PELP1: variants seen among roughly 807,000 people sequenced by gnomAD.
PELP1 encodes the protein proline-, glutamic acid- and leucine-rich protein 1.
Under a neutral mutation model 95.5 loss-of-function variants are expected in PELP1, and 32 were observed. The observed-to-expected ratio is 0.34, with a 90% CI of 0.25 to 0.45. The LOEUF is 0.45. Ranked by LOEUF, PELP1 falls within the 20% of genes least tolerant of loss-of-function variation. PELP1 has a pLI of 1.00. For missense variants in PELP1, 1,358 were observed against 1,444.8 expected, an observed-to-expected ratio of 0.94 and a Z score of 0.97; for synonymous variants, 668 against 600.1, an observed-to-expected ratio of 1.11 and a Z score of -1.65.
In PELP1 at chr17:4,672,926, T is replaced by C. The variant is rs372080166; in HGVS notation, c.2065A>G (p.Met689Val). The change falls in exon 16 of 17, where the codon ATG becomes GTG. Residue 689 changes from methionine to valine, a missense_variant. By Grantham distance (21) the Met-to-Val change is conservative (BLOSUM62 1). Around this residue, in one of 7 missense-constraint regions of PELP1, gnomAD observed 340 missense variants for 322.9 expected, o/e 1.05. Transcript: ENST00000572293. ...SAGPMPSAGP[M>V]PSAGPVPSAR... ...GAGGGCACAGGGCCTGCTGAGGGCA[T>C]GGGGCCTGCTGAAGGCATGGGGCCT... The C allele has an allele frequency of 2.3e-5, 37 of 1,609,834 alleles. No homozygotes were observed. The highest frequency in any genetic ancestry group is 2.7e-5 in the Non-Finnish European group (32 of 1,177,670).
intron 5 of PELP1, among the ~76,000 whole-genome samples, chr17:4,680,388 C>T (rs1337716947): frequency 6.6e-6 from 1 of 152,320 alleles, no homozygotes. Flanking sequence ...AGCAATTCTC[C>T]TGCCTCGGCC....
chr17:4,689,246 T>C (rs1913009642), intron 3 of PELP1, among the ~76,000 whole-genome samples: 2 of 152,120 alleles, frequency 1.3e-5, no homozygotes, highest in Non-Finnish European at 2.9e-5. Flanking sequence ...TTCTAGAAGA[T>C]AACATCAGAA....
Position 4,673,981 on chromosome 17 carries a change from C to T in PELP1, c.1583-307G>A. The T allele has an allele frequency of 2.5e-6, 1 of 393,680 alleles. No individual in the cohort carries two copies. Among genetic ancestry groups the T allele is most frequent in the Middle Eastern group, 7.4e-4 (1 of 1,350 alleles). 24.4% of individuals were successfully genotyped at this position (393,680 alleles called of 1,614,324 possible). A position where few individuals can be genotyped will look rare whatever the true frequency, so the allele number is the denominator to read the frequency against. ...GGCAGGCAGTGAAATATATGGGACC[C>T]AGAGGAAAGGCATCCATTAACTGCA... On this transcript the variant is annotated intron_variant, in intron 13 of 16. Transcript: ENST00000572293. The surrounding 1 kb of genome is among the most constrained non-coding windows in gnomAD (Gnocchi z 5.7).
intron 1 of PELP1, among the ~76,000 whole-genome samples, chr17:4,699,897 ATTTT>A (rs34806511): frequency 5.8e-5 from 5 of 86,754 alleles, no homozygotes; most frequent in Admixed American, 5.2e-4. Flanking sequence ...CTAGAGGGTG[ATTTT>A]TTTTTTTTTT....
At chr17:4,679,364 A>G (rs377046941) in intron 5 of PELP1, among the ~76,000 whole-genome samples, 3 of 152,194 alleles carry the variant, frequency 2.0e-5, no homozygotes, top group South Asian at 4.1e-4. Flanking sequence ...CCTTAAGTTC[A>G]ACTGTCTGAC....
rs1172244686 is a variant in PELP1 at position 4,703,983 on chromosome 17, A to G, written c.129T>C (p.Gly43=). ...LRLLLLESVS[G]LLQPRTGSAV... is the part of the protein sequence containing the mutation. ...CAGACCCCGTTCGAGGTTGCAGCAA[A>G]CCAGAAACACTCTCCAGCAGCAGCA... is the stretch of plus-strand genomic sequence containing the variant. The change falls in exon 1 of 17, where the codon GGT becomes GGC. Residue 43 remains glycine (G), a synonymous_variant. Transcript: ENST00000572293. 1 of 1,613,478 alleles carries G rather than the reference A, an allele frequency of 6.2e-7. No individual in the cohort carries two copies. Among genetic ancestry groups the G allele is most frequent in the Non-Finnish European group, 8.5e-7 (1 of 1,179,720 alleles).
At chr17:4,703,650 G>A (rs1005053680) in intron 1 of PELP1, among the ~76,000 whole-genome samples, 7 of 152,284 alleles carry the variant, frequency 4.6e-5, no homozygotes, top group African/African-American at 1.7e-4. Context: ...CCTAACAACA[G>A]AAAAATAAGG....
intron 3 of PELP1, among the ~76,000 whole-genome samples, chr17:4,685,749 C>T (rs1184308538): frequency 6.9e-6 from 1 of 145,774 alleles, no homozygotes; most frequent in Non-Finnish European, 1.5e-5. Context: ...GCCATGATCA[C>T]ACCACTATAT....
intron 3 of PELP1, chr17:4,683,167 G>T: frequency 1.0e-6 from 1 of 957,174 alleles, no homozygotes; most frequent in Non-Finnish European, 1.4e-6. Flanking sequence ...TTGTGTGGGG[G>T]AAAAAAAGAG....
chr17:4,688,407 G>A (rs1395572190), intron 3 of PELP1, among the ~76,000 whole-genome samples: 1 of 151,820 alleles, frequency 6.6e-6, no homozygotes, highest in Non-Finnish European at 1.5e-5. Context: ...TCAAACTGTC[G>A]TTATTCACCA....
Position 4,672,560 on chromosome 17 carries a change from T to A in PELP1, c.2431A>T (p.Ile811Leu), listed in dbSNP as rs762145792. 2 of 1,016,226 alleles carry A rather than the reference T, an allele frequency of 2.0e-6. No homozygotes were observed. Among genetic ancestry groups the A allele is most frequent in the Non-Finnish European group, 2.4e-6 (2 of 819,822 alleles). The allele number at this position is 1,016,226 out of a possible 1,614,324, so 63.0% of individuals were successfully genotyped here. The change falls in exon 16 of 17, where the codon ATA (isoleucine) becomes TTA (leucine). Residue 811 changes from isoleucine (I) to leucine (L), a missense_variant. Around this residue, in one of 7 missense-constraint regions of PELP1, gnomAD observed 340 missense variants for 322.9 expected, o/e 1.05. Coordinates refer to ENST00000572293, the MANE Select transcript of PELP1 (RefSeq NM_014389.3). Reference sequence around the variant, plus strand: ...GCTGTTGGTGGCCCAGTGGGGGCTATAGGGGGTGGTGTGGCACCTGAGGGT... The same window carrying A: ...GCTGTTGGTGGCCCAGTGGGGGCTAAAGGGGGTGGTGTGGCACCTGAGGGT... ...PPPSGATPPP[I>L]APTGPPTASP...
chr17:4,676,634 A>G (rs1236939453), intron 6 of PELP1, 119 bp downstream of exon 6: 18 of 1,397,232 alleles, frequency 1.3e-5, no homozygotes, highest in Non-Finnish European at 1.8e-5. Context: ...AGATGGGACA[A>G]TGAGGCCGAA....
chr17:4,693,988 C>A (rs1913202679), intron 1 of PELP1, among the ~76,000 whole-genome samples: 1 of 151,970 alleles, frequency 6.6e-6, no homozygotes, highest in Admixed American at 6.6e-5. Flanking sequence ...CTTGACTAAT[C>A]CTGAGAGTTT....
At position 4,671,388 on chromosome 17, in the gene PELP1, T is replaced by C. The variant is rs1912191212; in HGVS notation, c.*51A>G. The stretch of plus-strand genomic sequence containing the variant: ...GGCAAAAGGCAGAAGCAGCAGTCGC[T>C]ATCTAAGGACATAACTTTATTGGAA... On this transcript the variant is annotated 3_prime_UTR_variant, in exon 17 of 17. Transcript: ENST00000572293. 2.0e-6 allele frequency: 2 copies of C among 1,015,430 alleles called. No homozygotes were observed. The highest frequency in any genetic ancestry group is 3.1e-6 in the Non-Finnish European group (2 of 636,102). The allele number at this position is 1,015,430 out of a possible 1,614,324, so 62.9% of individuals were successfully genotyped here. A position where few individuals can be genotyped will look rare whatever the true frequency, so the allele number is the denominator to read the frequency against.
intron 1 of PELP1, among the ~76,000 whole-genome samples, chr17:4,693,396 G>C (rs1180262900): frequency 6.6e-6 from 1 of 152,164 alleles, no homozygotes; most frequent in African/African-American, 2.4e-5. Flanking sequence ...AGAAACTTCG[G>C]ATACTACCAA....
rs537879603 is a variant in PELP1 at position 4,698,206 on chromosome 17, T to C, written c.249+5657A>G. Among the ~76,000 whole-genome samples, 11 of 152,154 alleles carry C rather than the reference T, an allele frequency of 7.2e-5. No individual in the cohort carries two copies. The South Asian group carries it at 1.5e-3, about 20-fold the overall frequency. On this transcript the variant is annotated intron_variant, in intron 1 of 16. Coordinates refer to ENST00000572293, the MANE Select transcript of PELP1 (RefSeq NM_014389.3). ...GAAAACGCACAAATCTCCAGTTTAA[T>C]TTGTCTGCTGTTTCCTCATGATTAG...
chr17:4,687,433 A>G (rs1022794735), intron 3 of PELP1, among the ~76,000 whole-genome samples: 1 of 150,008 alleles, frequency 6.7e-6, no homozygotes, highest in Non-Finnish European at 1.5e-5. Flanking sequence ...AGTCCCAGCT[A>G]CTTGGGAGGC....
At position 4,695,832 on chromosome 17, in the gene PELP1, C is replaced by A. The variant is rs958929119; in HGVS notation, c.250-4390G>T. Among the ~76,000 whole-genome samples, 4 of 149,756 alleles carry A rather than the reference C, an allele frequency of 2.7e-5. No homozygotes were observed. The South Asian group carries it at 6.5e-4, about 24-fold the overall frequency. On this transcript the variant is annotated intron_variant, in intron 1 of 16. Coordinates refer to ENST00000572293, the MANE Select transcript of PELP1 (RefSeq NM_014389.3). ...AACATCTAAAAATCTACTAAAAATA[C>A]AAAAATTAGCCAGACGTGGTGGTGT...
At position 4,672,939 on chromosome 17, in the gene PELP1, A is replaced by G. The variant is rs375701025; in HGVS notation, c.2052T>C (p.Pro684=). ...CTGCTGAGGGCATGGGGCCTGCTGAAGGCATGGGGCCTGCTGAGGGCATGG... is the reference window on the plus strand; with the variant it reads ...CTGCTGAGGGCATGGGGCCTGCTGAGGGCATGGGGCCTGCTGAGGGCATGG... The part of the protein sequence containing the change: ...VGSMPSAGPM[P]SAGPMPSAGP... The change falls in exon 16 of 17, where the codon CCT becomes CCC. Residue 684 remains proline (P), a synonymous_variant. Transcript: ENST00000572293. The G allele has an allele frequency of 9.0e-5, 145 of 1,607,986 alleles. No individual in the cohort carries two copies. Among genetic ancestry groups the G allele is most frequent in the Admixed American group, 3.4e-4 (20 of 59,460 alleles).
Sources: allele counts gnomAD v4.1 joint callset (sites outside exome capture counted in the v4.1 genomes callset), GRCh38; gene constraint gnomAD v4.1.1; regional missense constraint gnomAD v4.1.1; non-coding constraint Gnocchi (gnomAD v3.1); transcripts MANE v1.5; gene names NCBI Gene and HGNC (gene_info 2026-07-23, HGNC 2026-07-21).